Variants in MCAM observed in about 807,000 individuals in gnomAD.
MCAM encodes cell surface glycoprotein MUC18.
A neutral mutation model predicts 79.1 loss-of-function variants in MCAM; 55 were observed. That is an observed-to-expected ratio of 0.70 (90% CI 0.56 to 0.87). The LOEUF (loss-of-function observed/expected upper bound fraction) is 0.87, where lower values mean the gene tolerates loss of function less well. Ranked by LOEUF, MCAM falls within the 40% of genes least tolerant of loss-of-function variation. MCAM has a pLI of 0.00. For synonymous variants in MCAM, 330 were observed against 339.8 expected (o/e 0.97, Z 0.32); for missense variants, 745 against 839.8 (o/e 0.89, Z 1.40).
chr11:119,312,217 C>A lies in MCAM; in HGVS notation c.1025-47G>T. The A allele has an allele frequency of 6.2e-7, 1 of 1,611,234 alleles. No homozygotes were observed. The highest frequency in any genetic ancestry group is 8.5e-7 in the Non-Finnish European group (1 of 1,178,080). On this transcript the variant is annotated intron_variant, in intron 8 of 15. Coordinates refer to ENST00000264036, the MANE Select transcript of MCAM (RefSeq NM_006500.3). The surrounding 1 kb of genome is among the most constrained non-coding windows in gnomAD (Gnocchi z 4.9). ...CACCCAGGGCAGGGTGGGGCCAGTT[C>A]CCTATTGCCCCAGCCTGGTCCCCCT...
intron 15 of MCAM, 35 bp from the exon 16 acceptor site, chr11:119,309,950 A>T: frequency 1.3e-6 from 2 of 1,575,194 alleles, no homozygotes; most frequent in African/African-American, 1.3e-5. Flanking sequence ...GGGAACACGG[A>T]GACGGTGCTG....
intron 3 of MCAM, 27 bp from the exon 4 acceptor site, chr11:119,314,776 C>T (rs770740769): frequency 7.4e-6 from 12 of 1,613,306 alleles, no homozygotes; most frequent in African/African-American, 1.3e-5. Flanking sequence ...ATGAGGGGGA[C>T]ATCTGGCCAC....
intron 14 of MCAM, 106 bp from the exon 15 acceptor site, chr11:119,310,572 A>G: frequency 9.4e-7 from 1 of 1,068,506 alleles, no homozygotes; most frequent in Non-Finnish European, 1.4e-6. Context: ...CTCCAGGGCC[A>G]GCCCAGGGCA....
At position 119,312,212 on chromosome 11, in the gene MCAM, C is replaced by A. The variant is rs369646764; in HGVS notation, c.1025-42G>T. 1 of 1,611,098 alleles carries A rather than the reference C, an allele frequency of 6.2e-7. No homozygotes were observed. The highest frequency in any genetic ancestry group is 2.2e-5 in the East Asian group (1 of 44,820). On this transcript the variant is annotated intron_variant, in intron 8 of 15. Transcript: ENST00000264036. The surrounding 1 kb of genome is among the most constrained non-coding windows in gnomAD (Gnocchi z 4.9). ...CATGTCACCCAGGGCAGGGTGGGGC[C>A]AGTTCCCTATTGCCCCAGCCTGGTC...
rs766964039 is a variant in MCAM, at chr11:119,314,687, G to A, written c.463C>T (p.Pro155Ser). Residue 155 changes from proline to serine, a missense_variant, in exon 4 of 16, where the codon CCT becomes TCT. Pro to Ser is a moderately conservative substitution (Grantham distance 74). Transcript: ENST00000264036. ...CCTGCCACACATCTCACCTCCTCAG[G>A]CTCCTTACTGTTCACAGGGATGCCC... ...PLGIPVNSKE[P>S]EEVATCVGRN... is the part of the protein sequence containing the mutation. The A allele has an allele frequency of 6.2e-7, 1 of 1,613,910 alleles. No homozygotes were observed. The highest frequency in any genetic ancestry group is 8.5e-7 in the Non-Finnish European group (1 of 1,179,978).
chr11:119,316,957 G>T lies in MCAM; in HGVS notation c.67+78C>A. 1 of 1,305,162 alleles carries T rather than the reference G, an allele frequency of 7.7e-7. No homozygotes were observed. The highest frequency in any genetic ancestry group is 1.0e-6 in the Non-Finnish European group (1 of 960,642). 80.8% of individuals were successfully genotyped at this position (1,305,162 alleles called of 1,614,324 possible). On this transcript the variant is annotated intron_variant, in intron 1 of 15. Transcript: ENST00000264036. This position sits in a 1 kb window ranked among gnomAD's most constrained non-coding sequence, Gnocchi z 4.8. ...CCAGACGCAACGCCCCGACCCCGCC[G>T]CGCCGCTGGCTCTGCTCCCTGGCAC...
Position 119,311,239 on chromosome 11 carries a change from G to A in MCAM, c.1549+41C>T. On this transcript the variant is annotated intron_variant, in intron 12 of 15. Coordinates refer to ENST00000264036, the MANE Select transcript of MCAM (RefSeq NM_006500.3). This position sits in a 1 kb window ranked among gnomAD's most constrained non-coding sequence, Gnocchi z 4.4. ...GAAGCGCAAGTTACTGCCCGTGCCTGGGCCTGCCCCTGCCATCCCCTGCAG... is the reference window on the plus strand; with the variant it reads ...GAAGCGCAAGTTACTGCCCGTGCCTAGGCCTGCCCCTGCCATCCCCTGCAG... 1 of 1,613,084 alleles carries A rather than the reference G, an allele frequency of 6.2e-7. No homozygotes were observed. The highest frequency in any genetic ancestry group is 8.5e-7 in the Non-Finnish European group (1 of 1,179,074).
chr11:119,310,810 T>C lies in MCAM; in HGVS notation c.1739A>G (p.Tyr580Cys), dbSNP rs544907258. The C allele has an allele frequency of 4.3e-6, 7 of 1,614,054 alleles. No individual in the cohort carries two copies. Among genetic ancestry groups the C allele is most frequent in the Admixed American group, 3.3e-5 (2 of 60,012 alleles). The change falls in exon 14 of 16, where the codon TAT becomes TGT. Residue 580 changes from tyrosine to cysteine, a missense_variant. Coordinates refer to ENST00000264036, the MANE Select transcript of MCAM (RefSeq NM_006500.3). ...LVLAVLGAVL[Y>C]FLYKKGKLPC... is the part of the protein sequence containing the mutation. ...CAGCTTGCCCTTCTTATAGAGGAAA[T>C]AGAGGACAGCGCCCAGCACCGCCAG...
rs1358994805 is a variant in MCAM at position 119,308,728 on chromosome 11, T to C, written c.*1158A>G. The C allele has an allele frequency of 6.6e-6, 1 of 152,102 alleles. No homozygotes were observed. Among genetic ancestry groups the C allele is most frequent in the Non-Finnish European group, 1.5e-5 (1 of 68,024 alleles). 9.4% of individuals were successfully genotyped at this position (152,102 alleles called of 1,614,324 possible). A position where few individuals can be genotyped will look rare whatever the true frequency, so the allele number is the denominator to read the frequency against. On this transcript the variant is annotated 3_prime_UTR_variant, in exon 16 of 16. Transcript: ENST00000264036. ...CGTTTTCCATCCCTAAGTACCATTC[T>C]CTCATTTGGGCCCTTCTAGGGTTGG...
chr11:119,310,907 C>T lies in MCAM; in HGVS notation c.1646-4G>A, dbSNP rs754420255. ...TCCGGCTCCGGCAGCTTTCTCTCTGCGCCACAAAGACACTCCTCGTCACTC... is the reference window on the plus strand; with the variant it reads ...TCCGGCTCCGGCAGCTTTCTCTCTGTGCCACAAAGACACTCCTCGTCACTC... On this transcript the variant is annotated splice_polypyrimidine_tract_variant and splice_region_variant and intron_variant, in intron 13 of 15. Transcript: ENST00000264036. 2.9e-5 allele frequency: 47 copies of T among 1,614,046 alleles called. No individual in the cohort carries two copies. The highest frequency in any genetic ancestry group is 1.6e-4 in the Middle Eastern group (1 of 6,082).
chr11:119,311,470 T>C lies in MCAM; in HGVS notation c.1408-49A>G. The C allele has an allele frequency of 6.2e-7, 1 of 1,613,510 alleles. No homozygotes were observed. The highest frequency in any genetic ancestry group is 2.2e-5 in the East Asian group (1 of 44,836). On this transcript the variant is annotated intron_variant, in intron 11 of 15. Transcript: ENST00000264036. The surrounding 1 kb of genome is among the most constrained non-coding windows in gnomAD (Gnocchi z 4.4). ...CTCAGGGGATGGGGAGGATCTCTGG[T>C]CCTGGCCACAAAGCGCAGGCAGGGA... is the stretch of plus-strand genomic sequence containing the variant.
chr11:119,310,364 C>G lies in MCAM; in HGVS notation c.1896G>C (p.Arg632Ser), dbSNP rs1258544452. The G allele has an allele frequency of 6.2e-7, 1 of 1,613,148 alleles. No homozygotes were observed. Among genetic ancestry groups the G allele is most frequent in the East Asian group, 2.2e-5 (1 of 44,874 alleles). ...CGCCTCCTACCTGGTCTCCCGGAGCCCTCTTGTCACCGCTGCTGCCCTGCA... is the reference window on the plus strand; with the variant it reads ...CGCCTCCTACCTGGTCTCCCGGAGCGCTCTTGTCACCGCTGCTGCCCTGCA... ...GLLQGSSGDKRAPGDQGEKYI... is the reference protein window; with the variant it reads ...GLLQGSSGDKSAPGDQGEKYI... The change falls in exon 15 of 16, where the codon AGG (arginine) becomes AGC (serine). Residue 632 changes from arginine (R) to serine (S), a missense_variant. Arg to Ser is a moderately radical substitution (Grantham distance 110). Coordinates refer to ENST00000264036, the MANE Select transcript of MCAM (RefSeq NM_006500.3).
Position 119,311,938 on chromosome 11 carries a change from C to G in MCAM, c.1155G>C (p.Val385=). Residue 385 remains valine, a synonymous_variant, in exon 10 of 16, where the codon GTG becomes GTC. Coordinates refer to ENST00000264036, the MANE Select transcript of MCAM (RefSeq NM_006500.3). This position sits in a 1 kb window ranked among gnomAD's most constrained non-coding sequence, Gnocchi z 4.4. ...ACTGAAGCACAGGCCCCCTTTCCAG[C>G]ACCTGGCCTGTCTGGGATGAGAGAT... ...FQWLREETGQ[V]LERGPVLQLH... 6.2e-7 allele frequency: 1 copy of G among 1,613,756 alleles called. No individual in the cohort carries two copies. Among genetic ancestry groups the G allele is most frequent in the Non-Finnish European group, 8.5e-7 (1 of 1,180,000 alleles).
chr11:119,310,175 G>T, intron 15 of MCAM, 174 bp downstream of exon 15: 1 of 642,660 alleles, frequency 1.6e-6, no homozygotes, highest in African/African-American at 1.8e-5. Flanking sequence ...CTTCCTCCAA[G>T]CTCCCTCAGC....
chr11:119,313,832 T>C, intron 5 of MCAM: 2 of 499,418 alleles, frequency 4.0e-6, no homozygotes, highest in Non-Finnish European at 5.2e-6. Context: ...ACCAAAAATA[T>C]CTCCAGACAT....
In MCAM at chr11:119,312,154, T is replaced by C. The variant is rs771376124; in HGVS notation, c.1041A>G (p.Arg347=). 9 of 1,612,998 alleles carry C rather than the reference T, an allele frequency of 5.6e-6. No homozygotes were observed. The South Asian group carries it at 8.8e-5, about 16-fold the overall frequency. Residue 347 remains arginine, a synonymous_variant, in exon 9 of 16, where the codon CGA becomes CGG. Coordinates refer to ENST00000264036, the MANE Select transcript of MCAM (RefSeq NM_006500.3). This position sits in a 1 kb window ranked among gnomAD's most constrained non-coding sequence, Gnocchi z 4.9. ...ELLVNYVSDV[R]VSPAAPERQE... is the part of the protein sequence containing the mutation. ...GTCTCTCAGGGGCTGCGGGACTCAC[T>C]CGGACGTCAGACACATCTGGGGGTA... is the stretch of plus-strand genomic sequence containing the variant.
rs1367879374 is a variant in MCAM at position 119,309,764 on chromosome 11, G to T, written c.*122C>A. 9.8e-7 allele frequency: 1 copy of T among 1,023,800 alleles called. No homozygotes were observed. Among genetic ancestry groups the T allele is most frequent in the East Asian group, 2.6e-5 (1 of 38,538 alleles). The allele number at this position is 1,023,800 out of a possible 1,614,324, so 63.4% of individuals were successfully genotyped here. ...CTAACCCAGTGGCCCTCTGAAAGGG[G>T]GTGTGCAGGCGAGGGGAGCAGGAGG... On this transcript the variant is annotated 3_prime_UTR_variant, in exon 16 of 16. Transcript: ENST00000264036.
Position 119,308,757 on chromosome 11 carries a change from C to G in MCAM, c.*1129G>C, listed in dbSNP as rs1247884581. ...ATTTGGGCCCTTCTAGGGTTGGGGC[C>G]CTGAGCTTGGTTTGTAGAAGTTTGG... On this transcript the variant is annotated 3_prime_UTR_variant, in exon 16 of 16. Transcript: ENST00000264036. 1 of 151,968 alleles carries G rather than the reference C, an allele frequency of 6.6e-6. No homozygotes were observed. Among genetic ancestry groups the G allele is most frequent in the Non-Finnish European group, 1.5e-5 (1 of 67,986 alleles). 9.4% of individuals were successfully genotyped at this position (151,968 alleles called of 1,614,324 possible). A position where few individuals can be genotyped will look rare whatever the true frequency, so the allele number is the denominator to read the frequency against.
rs1224410091 is a variant in MCAM, at chr11:119,311,413, T to G, written c.1416A>C (p.Glu472Asp). The G allele has an allele frequency of 6.2e-7, 1 of 1,614,102 alleles. No homozygotes were observed. The highest frequency in any genetic ancestry group is 1.7e-5 in the Admixed American group (1 of 60,026). Reference sequence around the variant, plus strand: ...GGACTCGCTGTGGATCTTGGTCTTGTTCACTTGCCTGCGAGGAAAGGAAGG... The same window carrying G: ...GGACTCGCTGTGGATCTTGGTCTTGGTCACTTGCCTGCGAGGAAAGGAAGG... The part of the protein sequence containing the change: ...ISWNVNGTAS[E>D]QDQDPQRVLS... The change falls in exon 12 of 16, where the codon GAA (glutamate) becomes GAC (aspartate). Residue 472 changes from glutamate (E) to aspartate (D), a missense_variant. Coordinates refer to ENST00000264036, the MANE Select transcript of MCAM (RefSeq NM_006500.3). The surrounding 1 kb of genome is among the most constrained non-coding windows in gnomAD (Gnocchi z 4.4).
Sources: allele counts gnomAD v4.1 joint callset, GRCh38; gene constraint gnomAD v4.1.1; non-coding constraint Gnocchi (gnomAD v3.1); transcripts MANE v1.5; gene names NCBI Gene and HGNC (gene_info 2026-07-23, HGNC 2026-07-21).